Variants in CHSY3 observed in about 807,000 individuals in gnomAD.
CHSY3 encodes the protein N-acetylgalactosaminyl-proteoglycan 3-beta-glucuronosyltransferase 3.
A neutral mutation model predicts 67.2 loss-of-function variants in CHSY3; 35 were observed. The ratio of observed to expected loss-of-function variants is 0.52; its 90% CI spans 0.40 to 0.69. CHSY3 has a LOEUF of 0.69. Among genes scored for constraint, CHSY3 ranks in the 30% least tolerant of loss-of-function variants. The pLI is 0.00. For missense variants in CHSY3, 1,069 were observed against 1,138.5 expected, an observed-to-expected ratio of 0.94 and a Z score of 0.88; for synonymous variants, 474 against 434.7, an observed-to-expected ratio of 1.09 and a Z score of -1.12.
In CHSY3 at chr5:130,143,720, ATG is replaced by A. The variant is rs371451856; in HGVS notation, c.1087-40495_1087-40494del. Among the ~76,000 whole-genome samples the A allele has an allele frequency of 8.1e-4, 89 of 110,552 alleles. 5 individuals carry two copies. Among genetic ancestry groups the A allele is most frequent in the Middle Eastern group, 4.3e-3 (1 of 230 alleles). 72.5% of individuals were successfully genotyped at this position (110,552 alleles called of 152,430 possible). ...TCATACCCATAGGGTATATATATAT[ATG>A]TGTGTGTGTGTGTATATATATATAT... On this transcript the variant is annotated intron_variant, in intron 2 of 2. Coordinates refer to ENST00000305031, the MANE Select transcript of CHSY3 (RefSeq NM_175856.5).
chr5:129,955,057 C>T (rs538639365), intron 2 of CHSY3, among the ~76,000 whole-genome samples: 53 of 152,132 alleles, frequency 3.5e-4, no homozygotes, highest in Non-Finnish European at 4.4e-4. Context: ...TCAATATAGA[C>T]GGGTTTTCAC....
intron 2 of CHSY3, among the ~76,000 whole-genome samples, chr5:129,997,074 T>G (rs936151669): frequency 2.6e-5 from 4 of 151,528 alleles, no homozygotes; most frequent in Admixed American, 2.0e-4. Context: ...AAACTTCTGA[T>G]GATGAAGTCT....
chr5:130,092,518 G>T (rs1275494904), intron 2 of CHSY3, among the ~76,000 whole-genome samples: 2 of 152,126 alleles, frequency 1.3e-5, no homozygotes, highest in Admixed American at 1.3e-4. Context: ...CTAAAATTAA[G>T]TATTCTGATT....
intron 2 of CHSY3, among the ~76,000 whole-genome samples, chr5:130,123,588 C>T (rs1768129070): frequency 6.6e-6 from 1 of 152,204 alleles, no homozygotes. Context: ...AGGTTCCTAA[C>T]ACACCTTCCA....
chr5:130,078,325 C>T (rs1272542390), intron 2 of CHSY3, among the ~76,000 whole-genome samples: 1 of 152,006 alleles, frequency 6.6e-6, no homozygotes, highest in Non-Finnish European at 1.5e-5. Flanking sequence ...TGCTGAGATG[C>T]TTTTATTCCA....
intron 2 of CHSY3, among the ~76,000 whole-genome samples, chr5:130,008,769 A>G (rs1763959833): frequency 6.6e-6 from 1 of 152,238 alleles, no homozygotes; most frequent in African/African-American, 2.4e-5. Flanking sequence ...AGAAAGAACC[A>G]AACTGATCTA....
chr5:130,157,697 G>T (rs972137182), intron 2 of CHSY3, among the ~76,000 whole-genome samples: 1 of 152,200 alleles, frequency 6.6e-6, no homozygotes, highest in East Asian at 1.9e-4. Context: ...GAGCAAGAAA[G>T]AATTCGAGGT....
At chr5:130,081,280 G>A (rs1000653268) in intron 2 of CHSY3, among the ~76,000 whole-genome samples, 1 of 151,554 alleles carries the variant, frequency 6.6e-6, no homozygotes, top group African/African-American at 2.4e-5. Flanking sequence ...TCTGTGCTTT[G>A]GGTGGGACAG....
At chr5:129,974,213 C>A (rs1762727663) in intron 2 of CHSY3, among the ~76,000 whole-genome samples, 1 of 152,082 alleles carries the variant, frequency 6.6e-6, no homozygotes, top group Non-Finnish European at 1.5e-5. Context: ...TTACACTGAT[C>A]TGGTTACATT....
chr5:130,043,592 T>C (rs1765063486), intron 2 of CHSY3, among the ~76,000 whole-genome samples: 1 of 152,142 alleles, frequency 6.6e-6, no homozygotes, highest in South Asian at 2.1e-4. Flanking sequence ...ACATTAGCCG[T>C]CCACAATCCT....
chr5:130,173,017 T>G (rs1580799200), intron 2 of CHSY3, among the ~76,000 whole-genome samples: 2 of 152,306 alleles, frequency 1.3e-5, no homozygotes, highest in East Asian at 3.9e-4. Flanking sequence ...AAACTTATAT[T>G]TATGACAACC....
At chr5:130,123,755 T>C (rs75840662) in intron 2 of CHSY3, among the ~76,000 whole-genome samples, 8,601 of 151,734 alleles carry the variant, frequency 0.057, 348 homozygotes, top group Non-Finnish European at 0.081. Context: ...GATGACAAAA[T>C]ATAAAGAAGT....
intron 2 of CHSY3, among the ~76,000 whole-genome samples, chr5:130,020,459 ATATTTT>A (rs1197962417): frequency 4.0e-5 from 2 of 49,748 alleles, no homozygotes; most frequent in Admixed American, 2.9e-4. Context: ...ATATATATAT[ATATTTT>A]TTTTTTTTTT....
chr5:129,933,939 A>G (rs1461580823), intron 2 of CHSY3, among the ~76,000 whole-genome samples: 1 of 152,150 alleles, frequency 6.6e-6, no homozygotes, highest in African/African-American at 2.4e-5. Context: ...TGTGAAATGG[A>G]CACTTAAAAT....
chr5:130,171,354 G>T (rs1401133615), intron 2 of CHSY3, among the ~76,000 whole-genome samples: 1 of 151,960 alleles, frequency 6.6e-6, no homozygotes, highest in Non-Finnish European at 1.5e-5. Flanking sequence ...AGTTCTAAAA[G>T]GGTAGTTTTA....
At chr5:130,181,139 T>A (rs1044265259) in intron 2 of CHSY3, among the ~76,000 whole-genome samples, 14 of 152,168 alleles carry the variant, frequency 9.2e-5, no homozygotes, top group African/African-American at 3.4e-4. Context: ...TGTTCATTGC[T>A]GCTGTGATTT....
At chr5:130,088,935 C>T (rs1026549596) in intron 2 of CHSY3, among the ~76,000 whole-genome samples, 26 of 151,958 alleles carry the variant, frequency 1.7e-4, no homozygotes, top group African/African-American at 3.9e-4. Flanking sequence ...ATGTTTATTG[C>T]GGCACTATTC....
intron 2 of CHSY3, among the ~76,000 whole-genome samples, chr5:130,174,244 A>G (rs73788431): frequency 0.013 from 1,926 of 151,946 alleles, 32 homozygotes; most frequent in African/African-American, 0.043. Flanking sequence ...CCTTAATCTC[A>G]TATCTAAGAA....
At chr5:130,102,604 A>G (rs1023834924) in intron 2 of CHSY3, among the ~76,000 whole-genome samples, 2 of 152,080 alleles carry the variant, frequency 1.3e-5, no homozygotes, top group Non-Finnish European at 2.9e-5. Context: ...GGCTAGTCAC[A>G]TTACCTCTAT....
Sources: gnomAD v4.1 joint callset for allele counts (sites outside exome capture counted in the v4.1 genomes callset) on GRCh38, gnomAD v4.1.1 for gene constraint, MANE v1.5 for transcripts, NCBI Gene and HGNC (gene_info 2026-07-23, HGNC 2026-07-21) for gene names.